CLDN10: variants seen among roughly 807,000 people sequenced by gnomAD.
CLDN10 encodes claudin-10.
In CLDN10, 15 loss-of-function variants were observed where a neutral mutation model predicts 22.9. That is an observed-to-expected ratio of 0.65 (90% confidence interval 0.44 to 1.01). The LOEUF is 1.01. CLDN10 is among the 50% of genes least tolerant of loss of function. The pLI, the probability that CLDN10 is intolerant of heterozygous loss-of-function variation, is 0.00. For synonymous variants in CLDN10, 114 were observed against 111.4 expected, an observed-to-expected ratio of 1.02 and a Z score of -0.15; for missense variants, 247 against 287.8, an observed-to-expected ratio of 0.86 and a Z score of 1.03.
At chr13:95,576,652 A>G (rs969561351) in intron 3 of CLDN10, among the ~76,000 whole-genome samples, 26 of 152,236 alleles carry the variant, frequency 1.7e-4, no homozygotes, top group African/African-American at 6.3e-4. Context: ...TTATCTTTGC[A>G]TCTGCTCCTG....
chr13:95,460,343 A>C (rs191209570), intron 1 of CLDN10, among the ~76,000 whole-genome samples: 32 of 152,276 alleles, frequency 2.1e-4, no homozygotes, highest in African/African-American at 7.2e-4. Flanking sequence ...TGTGGTACCA[A>C]TTGACTGTAT....
intron 1 of CLDN10, among the ~76,000 whole-genome samples, chr13:95,495,011 C>A (rs1470652375): frequency 6.8e-6 from 1 of 147,460 alleles, no homozygotes; most frequent in Non-Finnish European, 1.5e-5. Context: ...CCTTTCTTGT[C>A]CTTTCAATAT....
chr13:95,503,517 A>T (rs2043007283), intron 1 of CLDN10, among the ~76,000 whole-genome samples: 1 of 152,200 alleles, frequency 6.6e-6, no homozygotes, highest in African/African-American at 2.4e-5. Flanking sequence ...GGAAAGCAAG[A>T]TCTCAAAGAG....
chr13:95,508,276 C>G (rs1335378673), intron 1 of CLDN10, among the ~76,000 whole-genome samples: 3 of 152,124 alleles, frequency 2.0e-5, no homozygotes, highest in African/African-American at 7.2e-5. Flanking sequence ...GTGGCCAGGT[C>G]CAGCAGCCTC....
At chr13:95,518,013 A>T (rs1352224502) in intron 1 of CLDN10, among the ~76,000 whole-genome samples, 1 of 151,666 alleles carries the variant, frequency 6.6e-6, no homozygotes, top group Non-Finnish European at 1.5e-5. Flanking sequence ...GTTAGACAGG[A>T]CATATTCCTG....
chr13:95,543,192 C>G (rs1160500179), intron 1 of CLDN10, among the ~76,000 whole-genome samples: 2 of 152,048 alleles, frequency 1.3e-5, no homozygotes, highest in Non-Finnish European at 2.9e-5. Context: ...AAATCGCACC[C>G]TTGCACTTCA....
chr13:95,541,097 G>A (rs2043455579), intron 1 of CLDN10, among the ~76,000 whole-genome samples: 2 of 152,184 alleles, frequency 1.3e-5, no homozygotes, highest in Admixed American at 6.5e-5. Context: ...ACCTGCCGAG[G>A]GACCTTCTAC....
intron 1 of CLDN10, among the ~76,000 whole-genome samples, chr13:95,504,467 C>T (rs2043017418): frequency 6.6e-6 from 1 of 152,152 alleles, no homozygotes; most frequent in Admixed American, 6.5e-5. Flanking sequence ...ACAACCTCCA[C>T]CTCCCAGGTT....
chr13:95,560,512 A>G, intron 3 of CLDN10, 49 bp downstream of exon 3: 2 of 1,420,702 alleles, frequency 1.4e-6, no homozygotes, highest in Non-Finnish European at 2.0e-6. Flanking sequence ...GTGTATATAA[A>G]TTAATATTCT....
chr13:95,537,880 A>G (rs941214388), intron 1 of CLDN10, among the ~76,000 whole-genome samples: 1 of 152,212 alleles, frequency 6.6e-6, no homozygotes, highest in Non-Finnish European at 1.5e-5. Flanking sequence ...TAAGTAGAGA[A>G]TCCCTGAAAC....
intron 1 of CLDN10, among the ~76,000 whole-genome samples, chr13:95,482,377 C>T (rs1347888731): frequency 2.0e-5 from 3 of 152,104 alleles, no homozygotes; most frequent in Admixed American, 6.6e-5. Flanking sequence ...CCAAGTCAGG[C>T]GCCGTGCACA....
intron 3 of CLDN10, among the ~76,000 whole-genome samples, chr13:95,574,110 C>T (rs1230354116): frequency 6.6e-6 from 1 of 152,082 alleles, no homozygotes; most frequent in Non-Finnish European, 1.5e-5. Context: ...TTTCTTAATC[C>T]AGTCCATCAT....
chr13:95,521,460 A>G (rs190749009), intron 1 of CLDN10, among the ~76,000 whole-genome samples: 1 of 152,076 alleles, frequency 6.6e-6, no homozygotes, highest in African/African-American at 2.4e-5. Flanking sequence ...CTCTCTTTTA[A>G]TCTGTTACTG....
intron 1 of CLDN10, among the ~76,000 whole-genome samples, chr13:95,439,919 CTT>C (rs71663389): frequency 1.4e-5 from 2 of 147,046 alleles, no homozygotes; most frequent in African/African-American, 2.5e-5. Context: ...AATATTAACC[CTT>C]TTTTTTTTTT....
chr13:95,448,576 A>G (rs144377069), intron 1 of CLDN10, among the ~76,000 whole-genome samples: 1 of 152,154 alleles, frequency 6.6e-6, no homozygotes, highest in African/African-American at 2.4e-5. Flanking sequence ...GCTTACCCAC[A>G]CCATGCTCAG....
At chr13:95,460,349 T>G (rs1394990176) in intron 1 of CLDN10, among the ~76,000 whole-genome samples, 3 of 152,228 alleles carry the variant, frequency 2.0e-5, no homozygotes, top group Admixed American at 2.0e-4. Context: ...ACCAATTGAC[T>G]GTATTAGTCC....
chr13:95,551,091 C>A (rs143207624), upstream of CLDN10, among the ~76,000 whole-genome samples: 429 of 152,120 alleles, frequency 2.8e-3, 2 homozygotes, highest in African/African-American at 9.9e-3. Flanking sequence ...TGCATTGTCA[C>A]CCTTGTACCC....
chr13:95,440,759 G>A (rs992078191), intron 1 of CLDN10, among the ~76,000 whole-genome samples: 4 of 152,200 alleles, frequency 2.6e-5, no homozygotes, highest in African/African-American at 4.8e-5. Flanking sequence ...TTGGACTTTC[G>A]CAGTAGAATC....
At chr13:95,449,616 G>A (rs1245588863) in intron 1 of CLDN10, among the ~76,000 whole-genome samples, 2 of 151,998 alleles carry the variant, frequency 1.3e-5, no homozygotes, top group African/African-American at 4.8e-5. Context: ...ATCTAGGCTG[G>A]CGTGCAGTGG....
Sources: gnomAD v4.1 joint callset for allele counts (sites outside exome capture counted in the v4.1 genomes callset) on GRCh38, gnomAD v4.1.1 for gene constraint, MANE v1.5 for transcripts, NCBI Gene and HGNC (gene_info 2026-07-23, HGNC 2026-07-21) for gene names.